The following NALF1 variants were observed in gnomAD, a reference collection of about 807,000 sequenced individuals.
The protein encoded by NALF1 is NALCN channel auxiliary factor 1, also known as family with sequence similarity 155 member A.
In NALF1, 3 loss-of-function variants were observed where a neutral mutation model predicts 48.4. The ratio of observed to expected loss-of-function variants is 0.06; its 90% CI spans 0.03 to 0.16. The LOEUF is 0.16. Among genes scored for constraint, NALF1 ranks in the 10% least tolerant of loss-of-function variants. The pLI is 1.00. For missense variants in NALF1, 526 were observed against 571.5 expected, an observed-to-expected ratio of 0.92 and a Z score of 0.81; for synonymous variants, 262 against 245.7, an observed-to-expected ratio of 1.07 and a Z score of -0.62.
At chr13:107,502,138 A>C (rs560142826) in intron 1 of NALF1, among the ~76,000 whole-genome samples, 1 of 152,296 alleles carries the variant, frequency 6.6e-6, no homozygotes, top group East Asian at 1.9e-4. Context: ...CCTTTGTCTT[A>C]ATTAATCCTT....
At chr13:107,447,367 T>C (rs914833986) in intron 1 of NALF1, among the ~76,000 whole-genome samples, 7 of 152,168 alleles carry the variant, frequency 4.6e-5, no homozygotes, top group Non-Finnish European at 8.8e-5. Flanking sequence ...ACAGGTGTTG[T>C]TACATTCTTA....
At chr13:107,262,774 C>CTCTCTCTT (rs1880958143) in intron 1 of NALF1, among the ~76,000 whole-genome samples, 1 of 150,146 alleles carries the variant, frequency 6.7e-6, no homozygotes, top group Non-Finnish European at 1.5e-5. Context: ...CAGGCGCTCT[C>CTCTCTCTT]TCTCTCTCTC....
At chr13:107,590,503 A>G (rs936627171) in intron 1 of NALF1, among the ~76,000 whole-genome samples, 1 of 152,004 alleles carries the variant, frequency 6.6e-6, no homozygotes, top group African/African-American at 2.4e-5. Context: ...AGTAAGAAAA[A>G]CCAAAAAGTC....
chr13:107,541,279 G>A (rs1034125370), intron 1 of NALF1, among the ~76,000 whole-genome samples: 4 of 152,144 alleles, frequency 2.6e-5, no homozygotes, highest in African/African-American at 9.6e-5. Context: ...TGAAGAGGCT[G>A]TTCCAGCATG....
chr13:107,235,193 T>C (rs1880316242), intron 1 of NALF1, among the ~76,000 whole-genome samples: 1 of 152,192 alleles, frequency 6.6e-6, no homozygotes. Flanking sequence ...AAACAAGTAA[T>C]ATTTATGATC....
chr13:107,239,679 A>T (rs1880427335), intron 1 of NALF1, among the ~76,000 whole-genome samples: 1 of 152,198 alleles, frequency 6.6e-6, no homozygotes, highest in African/African-American at 2.4e-5. Context: ...AGAGGAAGCC[A>T]ATTAATGTAG....
At chr13:107,322,460 CTA>C (rs1340836855) in intron 1 of NALF1, among the ~76,000 whole-genome samples, 2 of 152,160 alleles carry the variant, frequency 1.3e-5, no homozygotes, top group East Asian at 3.9e-4. Flanking sequence ...TAGAAATTAA[CTA>C]TGAGTCATCA....
rs1878701592 is a variant in NALF1, at chr13:107,167,967, T to C, written c.*2530A>G. 1 of 152,226 alleles carries C rather than the reference T, an allele frequency of 6.6e-6. No homozygotes were observed. The allele number at this position is 152,226 out of a possible 1,614,324, so 9.4% of individuals were successfully genotyped here. On this transcript the variant is annotated 3_prime_UTR_variant, in exon 3 of 3. Transcript: ENST00000375915. ...ATATTTTAAGGAATACTGCTTTTCG[T>C]CATTTTGCTAAGTGTTTAGAAAGAA...
chr13:107,757,743 A>T (rs1446863931), intron 1 of NALF1, among the ~76,000 whole-genome samples: 1 of 152,172 alleles, frequency 6.6e-6, no homozygotes, highest in Non-Finnish European at 1.5e-5. Flanking sequence ...GAAAACTCTT[A>T]AGAGTTTTAT....
At chr13:107,791,420 G>C (rs1878228532) in intron 1 of NALF1, among the ~76,000 whole-genome samples, 1 of 152,018 alleles carries the variant, frequency 6.6e-6, no homozygotes, top group South Asian at 2.1e-4. Context: ...CTGGGGCATG[G>C]GTGATTATCG....
chr13:107,190,910 ATTTGAAGAGGATACT>A (rs1879266636), intron 2 of NALF1, among the ~76,000 whole-genome samples: 2 of 152,224 alleles, frequency 1.3e-5, no homozygotes, highest in African/African-American at 4.8e-5. Context: ...GTGTAGCTTC[ATTTGAAGAGGATACT>A]ATTCATTAGA....
At chr13:107,726,904 G>A (rs1352146781) in intron 1 of NALF1, among the ~76,000 whole-genome samples, 4 of 142,330 alleles carry the variant, frequency 2.8e-5, no homozygotes, top group Admixed American at 7.1e-5. Flanking sequence ...ACGCCCGGCC[G>A]GCAAATTCTT....
intron 1 of NALF1, among the ~76,000 whole-genome samples, chr13:107,361,307 G>T (rs1883056520): frequency 6.6e-6 from 1 of 152,174 alleles, no homozygotes; most frequent in Non-Finnish European, 1.5e-5. Flanking sequence ...ACTGCAGGAA[G>T]TCCACCGAAT....
intron 1 of NALF1, among the ~76,000 whole-genome samples, chr13:107,717,415 T>C (rs1372739045): frequency 7.9e-5 from 12 of 152,270 alleles, no homozygotes; most frequent in South Asian, 4.1e-4. Flanking sequence ...CAGCAAGCTC[T>C]GGTTTAACCT....
chr13:107,256,432 T>C (rs898047040), intron 1 of NALF1, among the ~76,000 whole-genome samples: 2 of 152,204 alleles, frequency 1.3e-5, no homozygotes, highest in African/African-American at 4.8e-5. Context: ...GACCGTCTAA[T>C]CTTTAAGTGA....
intron 1 of NALF1, among the ~76,000 whole-genome samples, chr13:107,623,164 C>A (rs1220035467): frequency 6.6e-6 from 1 of 152,158 alleles, no homozygotes; most frequent in Non-Finnish European, 1.5e-5. Context: ...AAGACACATA[C>A]ACATAGTCAA....
At chr13:107,463,082 G>A (rs537299979) in intron 1 of NALF1, among the ~76,000 whole-genome samples, 1 of 152,190 alleles carries the variant, frequency 6.6e-6, no homozygotes, top group African/African-American at 2.4e-5. Context: ...GAAGATGTAT[G>A]GTCTGAATCT....
chr13:107,739,682 C>T (rs1876575150), intron 1 of NALF1, among the ~76,000 whole-genome samples: 1 of 152,066 alleles, frequency 6.6e-6, no homozygotes, highest in Non-Finnish European at 1.5e-5. Context: ...GGAGGAATCC[C>T]CAACCCCAGG....
rs35028871 is a variant in NALF1, at chr13:107,866,718, CCT to C, written c.-124_-123del. On this transcript the variant is annotated 5_prime_UTR_variant, in exon 1 of 3. Coordinates refer to ENST00000375915, the MANE Select transcript of NALF1 (RefSeq NM_001080396.3). This position sits in a 1 kb window ranked among gnomAD's most constrained non-coding sequence, Gnocchi z 4.4. The stretch of plus-strand genomic sequence containing the variant: ...TCCCCTCCTCCCGTTTCTTCTCTCT[CCT>C]CTCTCTCTTTCTCTCTCTTCCCCTC... 4 of 700,734 alleles carry C rather than the reference CCT, an allele frequency of 5.7e-6. No homozygotes were observed. The highest frequency in any genetic ancestry group is 1.8e-5 in the South Asian group (1 of 55,266). The allele number at this position is 700,734 out of a possible 1,614,324, so 43.4% of individuals were successfully genotyped here. A position where few individuals can be genotyped will look rare whatever the true frequency, so the allele number is the denominator to read the frequency against.
Sources: gnomAD v4.1 joint callset for allele counts (sites outside exome capture counted in the v4.1 genomes callset) on GRCh38, gnomAD v4.1.1 for gene constraint, Gnocchi (gnomAD v3.1) non-coding constraint, MANE v1.5 for transcripts, NCBI Gene and HGNC (gene_info 2026-07-23, HGNC 2026-07-21) for gene names.